The following GLI2 variants were observed in gnomAD, a reference collection of about 807,000 sequenced individuals.
The protein encoded by GLI2 is transcription activator GLI2.
A neutral mutation model predicts 78.9 loss-of-function variants in GLI2; 22 were observed. That is an observed-to-expected ratio of 0.28 (90% confidence interval 0.20 to 0.40). The LOEUF is 0.40. Among genes scored for constraint, GLI2 ranks in the 10% least tolerant of loss-of-function variants. The probability of loss-of-function intolerance (pLI) is 1.00; values close to 1 mark genes in which losing one functional copy is unlikely to be tolerated. For synonymous variants in GLI2, 974 were observed against 963.7 expected (o/e 1.01, Z -0.20); for missense variants, 2,097 against 2,213.2 (o/e 0.95, Z 1.05).
intron 1 of GLI2, among the ~76,000 whole-genome samples, chr2:120,766,279 C>G (rs532067741): frequency 6.6e-6 from 1 of 152,368 alleles, no homozygotes; most frequent in African/African-American, 2.4e-5. Context: ...TCACTTCCTG[C>G]CACCCAGACA....
chr2:120,897,362 CTACCGCT>C (rs200578811), intron 2 of GLI2, among the ~76,000 whole-genome samples: 2,441 of 152,354 alleles, frequency 0.016, 24 homozygotes, highest in Non-Finnish European at 0.022. Context: ...AGCCTGAACA[CTACCGCT>C]TTCCTACTAA....
chr2:120,822,313 GC>G (rs1263794937), intron 2 of GLI2, among the ~76,000 whole-genome samples: 6 of 152,220 alleles, frequency 3.9e-5, no homozygotes, highest in Admixed American at 2.0e-4. Flanking sequence ...TGGGCATAGT[GC>G]CCTGCACAGC....
At chr2:120,956,861 C>G (rs1272041194) in intron 5 of GLI2, among the ~76,000 whole-genome samples, 1 of 152,110 alleles carries the variant, frequency 6.6e-6, no homozygotes, top group African/African-American at 2.4e-5. Flanking sequence ...GCCTTGCTCA[C>G]CCCGACCCGC....
At chr2:120,928,369 C>A (rs1474379132) in intron 3 of GLI2, among the ~76,000 whole-genome samples, 1 of 152,226 alleles carries the variant, frequency 6.6e-6, no homozygotes, top group African/African-American at 2.4e-5. Flanking sequence ...CACCTCCAAG[C>A]CTCAACCGAG....
intron 2 of GLI2, among the ~76,000 whole-genome samples, chr2:120,815,785 A>G (rs145787024): frequency 6.6e-6 from 1 of 152,272 alleles, no homozygotes; most frequent in East Asian, 1.9e-4. Flanking sequence ...GGGAGCAGTG[A>G]TATCTCTACA....
intron 2 of GLI2, among the ~76,000 whole-genome samples, chr2:120,903,288 G>A (rs1017255135): frequency 1.3e-5 from 2 of 152,126 alleles, no homozygotes; most frequent in Middle Eastern, 3.4e-3. Context: ...CCCAGGAGGC[G>A]AAGGTTGCAG....
intron 2 of GLI2, among the ~76,000 whole-genome samples, chr2:120,907,146 G>A (rs1020282126): frequency 1.3e-5 from 2 of 152,088 alleles, no homozygotes; most frequent in Non-Finnish European, 2.9e-5. Flanking sequence ...CTGCCTTGCC[G>A]CTGATGCTCT....
At chr2:120,946,860 G>A (rs1033632491) in intron 3 of GLI2, among the ~76,000 whole-genome samples, 1 of 152,236 alleles carries the variant, frequency 6.6e-6, no homozygotes, top group African/African-American at 2.4e-5. Context: ...GCTGGGAAGC[G>A]CCCTCAGGCC....
chr2:120,755,085 A>C (rs546006359), intron 1 of GLI2, among the ~76,000 whole-genome samples: 7 of 152,302 alleles, frequency 4.6e-5, no homozygotes, highest in Non-Finnish European at 1.0e-4. Context: ...TCCTGACCTC[A>C]AATGGTCTAC....
chr2:120,766,791 G>T (rs773643781), intron 1 of GLI2, among the ~76,000 whole-genome samples: 1 of 152,134 alleles, frequency 6.6e-6, no homozygotes. Context: ...AGAAACCGGT[G>T]GCCATCATCA....
intron 2 of GLI2, among the ~76,000 whole-genome samples, chr2:120,810,769 A>G (rs1173005616): frequency 6.6e-6 from 1 of 152,236 alleles, no homozygotes; most frequent in Non-Finnish European, 1.5e-5. Context: ...TCCGTAACTC[A>G]GAAGTTCAGG....
chr2:120,945,567 A>C (rs1680669101), intron 3 of GLI2, among the ~76,000 whole-genome samples: 1 of 152,192 alleles, frequency 6.6e-6, no homozygotes, highest in Non-Finnish European at 1.5e-5. Context: ...GAAATGTCTT[A>C]GCTCACATAA....
At chr2:120,752,120 A>G (rs754254439) in intron 1 of GLI2, among the ~76,000 whole-genome samples, 4 of 152,114 alleles carry the variant, frequency 2.6e-5, no homozygotes, top group Non-Finnish European at 5.9e-5. Flanking sequence ...ATTTATTTTT[A>G]CACCAGTGGG....
intron 4 of GLI2, among the ~76,000 whole-genome samples, chr2:120,951,981 AC>A (rs1681018869): frequency 6.6e-6 from 1 of 152,158 alleles, no homozygotes; most frequent in South Asian, 2.1e-4. Flanking sequence ...TCAGATGGCC[AC>A]CCCGGTGTGA....
intron 2 of GLI2, among the ~76,000 whole-genome samples, chr2:120,886,204 GTGTGTGCGTGTATA>G (rs1677398117): frequency 2.8e-5 from 1 of 35,570 alleles, no homozygotes; most frequent in African/African-American, 1.5e-4. Context: ...GTGTGTGTGT[GTGTGTGCGTGTATA>G]TTTTGGTTTT....
chr2:120,766,172 GCCAGCTGAC>G (rs1430630427), intron 1 of GLI2, among the ~76,000 whole-genome samples: 3 of 152,194 alleles, frequency 2.0e-5, no homozygotes, highest in Non-Finnish European at 4.4e-5. Flanking sequence ...CATGTCTGCA[GCCAGCTGAC>G]CCTCTGTGAC....
chr2:120,988,497 C>A lies in GLI2; in HGVS notation c.2532C>A (p.Asp844Glu). 6.5e-7 allele frequency: 1 copy of A among 1,534,852 alleles called. No homozygotes were observed. Among genetic ancestry groups the A allele is most frequent in the Non-Finnish European group, 8.7e-7 (1 of 1,150,066 alleles). The change falls in exon 14 of 14, where the codon GAC becomes GAA. Residue 844 changes from aspartate to glutamate, a missense_variant. Physicochemically the swap from Asp to Glu is conservative, Grantham distance 45. This residue lies in a region of GLI2 where 1,290 missense variants were observed against 1,261.7 expected (regional missense o/e 1.02). Coordinates refer to ENST00000361492, the MANE Select transcript of GLI2 (RefSeq NM_001374353.1). ...SADSYDPIST[D>E]ASRRSSEASQ... is the part of the protein sequence containing the mutation. ...ACTCCTACGACCCCATCTCCACGGA[C>A]GCGTCGCGGCGCTCGAGCGAGGCCA...
rs1466064569 is a variant in GLI2, at chr2:120,737,123, C to A, written c.-31+838C>A. Among the ~76,000 whole-genome samples, 2 of 152,036 alleles carry A rather than the reference C, an allele frequency of 1.3e-5. No homozygotes were observed. The highest frequency in any genetic ancestry group is 2.9e-5 in the Non-Finnish European group (2 of 67,992). On this transcript the variant is annotated intron_variant, in intron 1 of 13. Coordinates refer to ENST00000361492, the MANE Select transcript of GLI2 (RefSeq NM_001374353.1). This position sits in a 1 kb window ranked among gnomAD's most constrained non-coding sequence, Gnocchi z 4.3. ...TCTGTATGTGATGGATGGGGAGAGG[C>A]GCGGAGAGAGTTGGGCGCCAATCCT...
At chr2:120,790,727 C>A (rs1281305185) in intron 1 of GLI2, among the ~76,000 whole-genome samples, 1 of 152,144 alleles carries the variant, frequency 6.6e-6, no homozygotes, top group African/African-American at 2.4e-5. Flanking sequence ...GAGCTGTTAT[C>A]CTGCTGGGCC....
Sources: allele counts gnomAD v4.1 joint callset (sites outside exome capture counted in the v4.1 genomes callset), GRCh38; gene constraint gnomAD v4.1.1; regional missense constraint gnomAD v4.1.1; non-coding constraint Gnocchi (gnomAD v3.1); transcripts MANE v1.5; gene names NCBI Gene and HGNC (gene_info 2026-07-23, HGNC 2026-07-21).